The following HTT-AS variants were observed in gnomAD, a reference collection of about 807,000 sequenced individuals.
The protein encoded by HTT-AS is HTT antisense RNA (head to head).
intron 1 of HTT-AS, among the ~76,000 whole-genome samples, chr4:3,069,781 G>C (rs1184031606): frequency 6.6e-6 from 1 of 152,190 alleles, no homozygotes; most frequent in Non-Finnish European, 1.5e-5. Flanking sequence ...CTCTTTACCA[G>C]CTCCTGGCTT....
At chr4:3,053,594 G>A (rs1711751906) in intron 2 of HTT-AS, among the ~76,000 whole-genome samples, 1 of 152,062 alleles carries the variant, frequency 6.6e-6, no homozygotes, top group Non-Finnish European at 1.5e-5. Context: ...TAAGAAAAAT[G>A]AGTGCTTAAA....
At chr4:3,065,791 C>T (rs754004869) in intron 1 of HTT-AS, among the ~76,000 whole-genome samples, 1 of 152,160 alleles carries the variant, frequency 6.6e-6, no homozygotes, top group African/African-American at 2.4e-5. Flanking sequence ...CCCAGCTTCA[C>T]AAGACAGTAT....
At chr4:3,062,122 A>C (rs2110122966) in intron 2 of HTT-AS, among the ~76,000 whole-genome samples, 1 of 151,964 alleles carries the variant, frequency 6.6e-6, no homozygotes, top group South Asian at 2.1e-4. Context: ...TTGGGGGCTC[A>C]AGGTATGTTC....
intron 1 of HTT-AS, among the ~76,000 whole-genome samples, chr4:3,072,719 C>G (rs1372891410): frequency 1.3e-5 from 2 of 152,178 alleles, no homozygotes; most frequent in African/African-American, 4.8e-5. Flanking sequence ...CAACCTCCAC[C>G]TCCCAGGTTC....
intron 1 of HTT-AS, among the ~76,000 whole-genome samples, chr4:3,065,564 T>C (rs759134701): frequency 6.6e-6 from 1 of 152,208 alleles, no homozygotes; most frequent in Non-Finnish European, 1.5e-5. Flanking sequence ...TGACTTACTA[T>C]GGGGTTACCT....
At chr4:3,062,274 C>T (rs553351829) in intron 2 of HTT-AS, among the ~76,000 whole-genome samples, 587 of 152,246 alleles carry the variant, frequency 3.9e-3, no homozygotes, top group Non-Finnish European at 7.2e-3. Flanking sequence ...AAATGGTCCT[C>T]CCGCCTCAGC....
At chr4:3,063,462 G>A (rs1711982976) in exon 2 of HTT-AS, 1 of 152,314 alleles carries the variant, frequency 6.6e-6, no homozygotes, top group Admixed American at 6.5e-5. Context: ...TTGGAGCAGG[G>A]GTGCAAGGAG....
At chr4:3,047,166 C>T (rs1328503850), downstream of HTT-AS, among the ~76,000 whole-genome samples, 1 of 152,028 alleles carries the variant, frequency 6.6e-6, no homozygotes, top group Non-Finnish European at 1.5e-5. Flanking sequence ...AAAAAATTAG[C>T]CGGGCGTGGT....
downstream of HTT-AS, among the ~76,000 whole-genome samples, chr4:3,046,405 TACTGCCACAGGTGCAGACTCCC>T (rs1207650613): frequency 2.6e-5 from 4 of 152,212 alleles, no homozygotes; most frequent in African/African-American, 7.2e-5. Context: ...AAGACTCAGG[TACTGCCACAGGTGCAGACTCCC>T]AAGTGAGGAT....
chr4:3,071,776 A>G (rs1226067533), intron 1 of HTT-AS, among the ~76,000 whole-genome samples: 1 of 152,152 alleles, frequency 6.6e-6, no homozygotes, highest in Non-Finnish European at 1.5e-5. Context: ...AGAAGAGATT[A>G]GGACACGGAC....
At chr4:3,063,676 G>A (rs1013278603) in exon 2 of HTT-AS, 7 of 152,394 alleles carry the variant, frequency 4.6e-5, no homozygotes, top group African/African-American at 1.2e-4. Flanking sequence ...GCCACGCTCC[G>A]GCTTGGAGGT....
chr4:3,048,948 TTA>T, downstream of HTT-AS, among the ~76,000 whole-genome samples: 1 of 152,218 alleles, frequency 6.6e-6, no homozygotes, highest in East Asian at 1.9e-4. Context: ...ATATGTCTCA[TTA>T]AAGTTTCTCA....
chr4:3,074,538 C>T (rs1025837127), exon 1 of HTT-AS: 37 of 317,666 alleles, frequency 1.2e-4, no homozygotes, highest in African/African-American at 7.6e-4. Flanking sequence ...CCTGCGGGGG[C>T]AGGGGCGGGC....
At chr4:3,057,596 G>A (rs1578466078) in intron 2 of HTT-AS, among the ~76,000 whole-genome samples, 3 of 152,250 alleles carry the variant, frequency 2.0e-5, no homozygotes, top group South Asian at 2.1e-4. Context: ...GAGCAGCCCC[G>A]ATGGCCGCTG....
downstream of HTT-AS, among the ~76,000 whole-genome samples, chr4:3,047,737 A>T (rs1711621636): frequency 1.3e-5 from 2 of 152,250 alleles, no homozygotes; most frequent in African/African-American, 2.4e-5. Context: ...GCCCGCCCAC[A>T]GCCATCCGGA....
At chr4:3,057,327 C>A (rs1413949838) in intron 2 of HTT-AS, among the ~76,000 whole-genome samples, 1 of 151,936 alleles carries the variant, frequency 6.6e-6, no homozygotes, top group African/African-American at 2.4e-5. Flanking sequence ...GCCACTGCAC[C>A]CCACCCTGTG....
downstream of HTT-AS, among the ~76,000 whole-genome samples, chr4:3,048,535 T>C (rs1404663468): frequency 1.3e-5 from 2 of 152,108 alleles, no homozygotes; most frequent in African/African-American, 2.4e-5. Context: ...CCAAATCAAA[T>C]AGATCAGACA....
At chr4:3,049,908 A>T (rs114330943) in intron 2 of HTT-AS, among the ~76,000 whole-genome samples, 186 of 13,532 alleles carry the variant, frequency 0.014, no homozygotes, top group African/African-American at 0.075. Flanking sequence ...GTAAGTTATC[A>T]CACACACACA....
chr4:3,073,982 C>T (rs1712292755), intron 1 of HTT-AS, among the ~76,000 whole-genome samples: 2 of 151,804 alleles, frequency 1.3e-5, no homozygotes, highest in African/African-American at 2.4e-5. Flanking sequence ...CCGCATGGGC[C>T]TGCGCCCGCG....
Sources: gnomAD v4.1 joint callset for allele counts (sites outside exome capture counted in the v4.1 genomes callset) on GRCh38, gnomAD v4.1.1 for gene constraint, MANE v1.5 for transcripts, NCBI Gene and HGNC (gene_info 2026-07-23, HGNC 2026-07-21) for gene names.